Variants in GDI2 observed in about 807,000 individuals in gnomAD.
The protein encoded by GDI2 is rab GDP dissociation inhibitor beta.
In GDI2, 22 loss-of-function variants were observed where a neutral mutation model predicts 54.2. That is an observed-to-expected ratio of 0.41 (90% CI 0.29 to 0.58). The LOEUF (loss-of-function observed/expected upper bound fraction) is 0.58. GDI2 is among the 20% of genes least tolerant of loss of function. The pLI is 0.35. For synonymous variants in GDI2, 177 were observed against 182.1 expected, an observed-to-expected ratio of 0.97 and a Z score of 0.23; for missense variants, 422 against 546.0, an observed-to-expected ratio of 0.77 and a Z score of 2.26.
intron 7 of GDI2, among the ~76,000 whole-genome samples, chr10:5,772,696 G>T (rs1047232157): frequency 6.6e-6 from 1 of 152,112 alleles, no homozygotes; most frequent in African/African-American, 2.4e-5. Context: ...GGTGGAGGGT[G>T]AAGTGAGCTG....
intron 1 of GDI2, among the ~76,000 whole-genome samples, chr10:5,804,155 G>A (rs1052421289): frequency 7.9e-5 from 12 of 151,326 alleles, no homozygotes; most frequent in African/African-American, 1.7e-4. Context: ...GTGCAGTGGC[G>A]CGATCTTGGC....
intron 7 of GDI2, among the ~76,000 whole-genome samples, chr10:5,770,673 T>C (rs1305289839): frequency 6.6e-6 from 1 of 151,902 alleles, no homozygotes; most frequent in Non-Finnish European, 1.5e-5. Context: ...ATGGTTAAGA[T>C]GGTAAATTCT....
intron 4 of GDI2, among the ~76,000 whole-genome samples, chr10:5,794,298 G>A (rs1217736964): frequency 1.4e-5 from 2 of 140,748 alleles, no homozygotes; most frequent in Non-Finnish European, 3.0e-5. Flanking sequence ...ATTAGAAGAT[G>A]AGCATCATCA....
Position 5,787,321 on chromosome 10 carries a change from A to G in GDI2, c.389-1271T>C, listed in dbSNP as rs1840901354. Among the ~76,000 whole-genome samples the G allele has an allele frequency of 1.3e-5, 2 of 152,324 alleles. 1 individual carries two copies. ...GGAGTTCAAGACCAGCCTGACCAAC[A>G]TGGTGAAACCCCATCTCTACTAAAA... is the stretch of plus-strand genomic sequence containing the variant. On this transcript the variant is annotated intron_variant, in intron 4 of 10. Transcript: ENST00000380191.
chr10:5,773,504 T>C (rs1004598119), intron 7 of GDI2, among the ~76,000 whole-genome samples: 5 of 152,200 alleles, frequency 3.3e-5, no homozygotes. Flanking sequence ...TGAGAAATGC[T>C]GCTCAAAACC....
At chr10:5,773,640 T>C (rs1246453849) in intron 7 of GDI2, among the ~76,000 whole-genome samples, 4 of 152,154 alleles carry the variant, frequency 2.6e-5, no homozygotes. Context: ...CATATTTCAA[T>C]ATTAAAATAA....
intron 7 of GDI2, chr10:5,769,290 G>C (rs1840431952): frequency 6.6e-6 from 1 of 152,096 alleles, no homozygotes. Flanking sequence ...ATGATCAAAG[G>C]GCTGGGCGCG....
At chr10:5,770,736 C>A (rs970376168) in intron 7 of GDI2, among the ~76,000 whole-genome samples, 1 of 151,646 alleles carries the variant, frequency 6.6e-6, no homozygotes, top group Non-Finnish European at 1.5e-5. Flanking sequence ...GAGGCCGAGG[C>A]AGGCAGATCA....
rs1471515764 is a variant in GDI2 at position 5,793,294 on chromosome 10, CACT to C, written c.388+1588_388+1590del. Among the ~76,000 whole-genome samples the C allele has an allele frequency of 5.9e-5, 9 of 152,164 alleles. No individual in the cohort carries two copies. In the East Asian group the frequency reaches 1.7e-3, roughly 29 times the overall value. ...ACAAGCGTGAGCCACCACACCACACCACTGTTAAAAAGGATTCTATTCAAACTC... is the reference window on the plus strand; with the variant it reads ...ACAAGCGTGAGCCACCACACCACACCGTTAAAAAGGATTCTATTCAAACTC... On this transcript the variant is annotated intron_variant, in intron 4 of 10. Transcript: ENST00000380191.
intron 1 of GDI2, among the ~76,000 whole-genome samples, chr10:5,806,654 A>C (rs1037901743): frequency 1.3e-5 from 2 of 152,170 alleles, no homozygotes; most frequent in African/African-American, 4.8e-5. Flanking sequence ...AAGGTATTTT[A>C]ACAACTACAA....
At chr10:5,779,191 G>C (rs145356250) in intron 6 of GDI2, among the ~76,000 whole-genome samples, 178 of 152,262 alleles carry the variant, frequency 1.2e-3, no homozygotes, top group African/African-American at 4.1e-3. Flanking sequence ...ACTCAAAACA[G>C]TCAAGTAAAT....
intron 6 of GDI2, among the ~76,000 whole-genome samples, chr10:5,784,760 AAG>A (rs1840835653): frequency 6.6e-6 from 1 of 152,202 alleles, no homozygotes; most frequent in South Asian, 2.1e-4. Flanking sequence ...AGTGTCTGCA[AAG>A]AGTCCTGTGA....
chr10:5,794,667 C>G (rs1841108759), intron 4 of GDI2, among the ~76,000 whole-genome samples: 1 of 152,106 alleles, frequency 6.6e-6, no homozygotes, highest in African/African-American at 2.4e-5. Flanking sequence ...GGTACATGAT[C>G]TATAGATGAT....
chr10:5,774,246 T>G lies in GDI2; in HGVS notation c.720-305A>C, dbSNP rs1014336719. Among the ~76,000 whole-genome samples the G allele has an allele frequency of 6.6e-6, 1 of 152,186 alleles. No individual in the cohort carries two copies. Among genetic ancestry groups the G allele is most frequent in the Non-Finnish European group, 1.5e-5 (1 of 68,042 alleles). ...CTGCCCTAAAGCTTTTCAATAAACG[T>G]CCACTCCTGCTCTAAAACTTGCCTC... On this transcript the variant is annotated intron_variant, in intron 6 of 10. Transcript: ENST00000380191. This position sits in a 1 kb window ranked among gnomAD's most constrained non-coding sequence, Gnocchi z 4.8.
chr10:5,800,484 A>G (rs1196613608), intron 2 of GDI2, 114 bp downstream of exon 2: 4 of 692,272 alleles, frequency 5.8e-6, no homozygotes, highest in Non-Finnish European at 7.8e-6. Context: ...ACAGTGCTCC[A>G]GATATTCCAT....
At chr10:5,808,318 C>T (rs1241731765) in intron 1 of GDI2, among the ~76,000 whole-genome samples, 1 of 148,500 alleles carries the variant, frequency 6.7e-6, no homozygotes, top group African/African-American at 2.5e-5. Flanking sequence ...GACCGAGACC[C>T]TGTCTCAAAA....
At chr10:5,775,729 G>GA (rs1378002209) in intron 6 of GDI2, among the ~76,000 whole-genome samples, 2 of 152,200 alleles carry the variant, frequency 1.3e-5, no homozygotes, top group African/African-American at 4.8e-5. Context: ...AAGGACAGAA[G>GA]AAAAAATGTG....
chr10:5,792,404 GTTC>G (rs566261285), intron 4 of GDI2, among the ~76,000 whole-genome samples: 77 of 152,254 alleles, frequency 5.1e-4, no homozygotes, highest in African/African-American at 1.7e-3. Flanking sequence ...AAAAAACTGA[GTTC>G]TTATTAAAAT....
chr10:5,783,770 C>T (rs909085546), intron 6 of GDI2, among the ~76,000 whole-genome samples: 1 of 152,200 alleles, frequency 6.6e-6, no homozygotes, highest in Non-Finnish European at 1.5e-5. Flanking sequence ...GATAGGATCC[C>T]AATCCCTTCT....
Sources: gnomAD v4.1 joint callset for allele counts (sites outside exome capture counted in the v4.1 genomes callset) on GRCh38, gnomAD v4.1.1 for gene constraint, Gnocchi (gnomAD v3.1) non-coding constraint, MANE v1.5 for transcripts, NCBI Gene and HGNC (gene_info 2026-07-23, HGNC 2026-07-21) for gene names.